Variants in ST8SIA1 observed in about 807,000 individuals in gnomAD.
ST8SIA1 encodes the protein alpha-N-acetylneuraminide alpha-2,8-sialyltransferase.
ST8SIA1 carries 16 observed loss-of-function variants against 35.9 expected under a neutral mutation model. The observed-to-expected ratio is 0.45, with a 90% CI of 0.30 to 0.68. The LOEUF is 0.68. ST8SIA1 is among the 30% of genes least tolerant of loss of function. The pLI is 0.09. For missense variants in ST8SIA1, 383 were observed against 453.6 expected, an observed-to-expected ratio of 0.84 and a Z score of 1.41; for synonymous variants, 170 against 169.6, an observed-to-expected ratio of 1.00 and a Z score of -0.02.
chr12:22,204,041 T>G (rs1189467829), intron 4 of ST8SIA1, among the ~76,000 whole-genome samples: 1 of 152,124 alleles, frequency 6.6e-6, no homozygotes, highest in Admixed American at 6.6e-5. Context: ...CATCCATCTC[T>G]CACCACCTTT....
chr12:22,308,820 G>T (rs1866415125), intron 1 of ST8SIA1, among the ~76,000 whole-genome samples: 1 of 152,080 alleles, frequency 6.6e-6, no homozygotes, highest in Non-Finnish European at 1.5e-5. Context: ...ATCCACGGCA[G>T]TCTCACATCC....
At chr12:22,226,985 T>C (rs1865366518) in intron 4 of ST8SIA1, among the ~76,000 whole-genome samples, 1 of 152,130 alleles carries the variant, frequency 6.6e-6, no homozygotes, top group Non-Finnish European at 1.5e-5. Flanking sequence ...TCTGGCTCTG[T>C]TGCCAGGCTG....
At position 22,201,971 on chromosome 12, in the gene ST8SIA1, T is replaced by C. The variant is rs1865053218; in HGVS notation, c.652A>G (p.Ile218Val). 1.2e-6 allele frequency: 2 copies of C among 1,613,920 alleles called. No homozygotes were observed. The highest frequency in any genetic ancestry group is 1.7e-6 in the Non-Finnish European group (2 of 1,179,894). Reference sequence around the variant, plus strand: ...TTCATAGAAAAGGCAGGCATGTAGATGTAACTGTGGTTATAAATTTTCATG... The same window carrying C: ...TTCATAGAAAAGGCAGGCATGTAGACGTAACTGTGGTTATAAATTTTCATG... The part of the protein sequence containing the change: ...DNMKIYNHSY[I>V]YMPAFSMKTG... Residue 218 changes from isoleucine to valine, a missense_variant, in exon 5 of 5, where the codon ATC becomes GTC. Ile to Val is a conservative substitution (Grantham distance 29). Coordinates refer to ENST00000396037, the MANE Select transcript of ST8SIA1 (RefSeq NM_003034.4).
intron 1 of ST8SIA1, among the ~76,000 whole-genome samples, chr12:22,296,990 A>G (rs865966887): frequency 2.0e-5 from 3 of 152,232 alleles, no homozygotes; most frequent in Admixed American, 1.3e-4. Flanking sequence ...GTGTTTACAC[A>G]GCAGGGTGGG....
chr12:22,205,986 T>C (rs1371187112), intron 4 of ST8SIA1, among the ~76,000 whole-genome samples: 1 of 152,146 alleles, frequency 6.6e-6, no homozygotes, highest in Non-Finnish European at 1.5e-5. Context: ...AATATATGGA[T>C]ACATTGATAT....
At chr12:22,214,138 C>T (rs923683089) in intron 4 of ST8SIA1, among the ~76,000 whole-genome samples, 9 of 152,026 alleles carry the variant, frequency 5.9e-5, no homozygotes, top group Non-Finnish European at 1.3e-4. Context: ...GACAAATTAT[C>T]GCACTTAAAT....
At chr12:22,295,408 A>G (rs1476108233) in intron 1 of ST8SIA1, among the ~76,000 whole-genome samples, 1 of 152,168 alleles carries the variant, frequency 6.6e-6, no homozygotes, top group East Asian at 1.9e-4. Flanking sequence ...GGGAGCCCTC[A>G]TAAGAAAAGT....
chr12:22,288,615 T>C (rs778131353), intron 1 of ST8SIA1, among the ~76,000 whole-genome samples: 1 of 152,164 alleles, frequency 6.6e-6, no homozygotes, highest in Non-Finnish European at 1.5e-5. Context: ...CCTTGCACTC[T>C]CTGAGATCTT....
Position 22,333,500 on chromosome 12 carries a change from C to A in ST8SIA1, c.236+497G>T, listed in dbSNP as rs2135851463. ...GTACTATGCACTTGCTGTGGGCACA[C>A]TGCGCAAAGCTGCGGGATCCGTCCA... On this transcript the variant is annotated intron_variant, in intron 1 of 4. Coordinates refer to ENST00000396037, the MANE Select transcript of ST8SIA1 (RefSeq NM_003034.4). Among the ~76,000 whole-genome samples the A allele has an allele frequency of 1.3e-5, 2 of 152,344 alleles. 1 individual carries two copies. The highest frequency in any genetic ancestry group is 6.8e-3 in the Middle Eastern group (2 of 294).
intron 2 of ST8SIA1, among the ~76,000 whole-genome samples, chr12:22,257,998 T>A (rs779284310): frequency 6.6e-6 from 1 of 151,700 alleles, no homozygotes; most frequent in African/African-American, 2.4e-5. Flanking sequence ...GTCACTTTGG[T>A]GACTCCAGAA....
chr12:22,246,623 T>C (rs952587134), intron 4 of ST8SIA1, among the ~76,000 whole-genome samples: 1 of 151,992 alleles, frequency 6.6e-6, no homozygotes, highest in Non-Finnish European at 1.5e-5. Context: ...TTCTGTGTTG[T>C]AGTGTGAGAA....
rs554334235 is a variant in ST8SIA1, at chr12:22,265,694, CCT to C, written c.382-10307_382-10306del. 1.5e-4 allele frequency among the ~76,000 whole-genome samples: 23 copies of C among 152,164 alleles called. No homozygotes were observed. In the East Asian group the frequency reaches 4.1e-3, roughly 27 times the overall value. ...GAAATCTCAGAGCCATTTTTGCTCA[CCT>C]CTCTCTTAATATCTACGTAACACCT... On this transcript the variant is annotated intron_variant, in intron 2 of 4. Transcript: ENST00000396037.
intron 1 of ST8SIA1, among the ~76,000 whole-genome samples, chr12:22,318,945 C>T (rs1866551106): frequency 1.3e-5 from 2 of 152,274 alleles, no homozygotes; most frequent in Non-Finnish European, 1.5e-5. Flanking sequence ...GGTCCTTAAG[C>T]TCTTTGTGGC....
rs140709350 is a variant in ST8SIA1 at position 22,223,960 on chromosome 12, A to G, written c.585-21922T>C. 5.2e-3 allele frequency among the ~76,000 whole-genome samples: 791 copies of G among 152,288 alleles called. 3 individuals are homozygous for G. Among genetic ancestry groups the G allele is most frequent in the Middle Eastern group, 0.014 (4 of 294 alleles). ...ACTTTCTGACTTTTTTAGAAGTGTT[A>G]TTATGAATTCAAAAGGTCGGAACAT... On this transcript the variant is annotated intron_variant, in intron 4 of 4. Coordinates refer to ENST00000396037, the MANE Select transcript of ST8SIA1 (RefSeq NM_003034.4).
chr12:22,248,332 C>CA (rs1366083038), intron 4 of ST8SIA1, among the ~76,000 whole-genome samples: 1 of 152,052 alleles, frequency 6.6e-6, no homozygotes, highest in African/African-American at 2.4e-5. Flanking sequence ...TCCTTCTCTA[C>CA]AATGAACAGT....
intron 1 of ST8SIA1, among the ~76,000 whole-genome samples, chr12:22,316,019 C>A (rs1866515223): frequency 6.6e-6 from 1 of 151,678 alleles, no homozygotes; most frequent in Non-Finnish European, 1.5e-5. Context: ...AGATAGAATT[C>A]TAAAAAAACT....
intron 4 of ST8SIA1, among the ~76,000 whole-genome samples, chr12:22,241,152 C>A (rs1430657859): frequency 1.3e-5 from 2 of 151,966 alleles, no homozygotes; most frequent in Non-Finnish European, 2.9e-5. Flanking sequence ...TGCCACCATG[C>A]CCAGCCAAGT....
In ST8SIA1 at chr12:22,231,675, G is replaced by A. The variant is rs529396684; in HGVS notation, c.584+17331C>T. On this transcript the variant is annotated intron_variant, in intron 4 of 4. Coordinates refer to ENST00000396037, the MANE Select transcript of ST8SIA1 (RefSeq NM_003034.4). ...TGCAAGCTCCGCCTCCCGGGTTCAC[G>A]CCATTCTCCTGCCTCAGCCCCCCGA... Among the ~76,000 whole-genome samples the A allele has an allele frequency of 6.9e-4, 105 of 151,972 alleles. 1 individual carries two copies. Among genetic ancestry groups the A allele is most frequent in the African/African-American group, 2.3e-3 (94 of 41,464 alleles).
intron 3 of ST8SIA1, among the ~76,000 whole-genome samples, chr12:22,251,332 G>A (rs1489189521): frequency 6.6e-6 from 1 of 152,088 alleles, no homozygotes; most frequent in Non-Finnish European, 1.5e-5. Context: ...TCATGTGTCT[G>A]GGTCTTTTCA....
Sources: allele counts gnomAD v4.1 joint callset (sites outside exome capture counted in the v4.1 genomes callset), GRCh38; gene constraint gnomAD v4.1.1; transcripts MANE v1.5; gene names NCBI Gene and HGNC (gene_info 2026-07-23, HGNC 2026-07-21).